The following BNC2 variants were observed in gnomAD, a reference collection of about 807,000 sequenced individuals.
BNC2 encodes the protein basonuclin zinc finger protein 2, also known as zinc finger protein basonuclin-2.
In BNC2, 20 loss-of-function variants were observed where a neutral mutation model predicts 76.3. That is an observed-to-expected ratio of 0.26 (90% CI 0.18 to 0.38). The LOEUF (loss-of-function observed/expected upper bound fraction) is 0.38. Ranked by LOEUF, BNC2 falls within the 10% of genes least tolerant of loss-of-function variation. The probability of loss-of-function intolerance (pLI) is 1.00; values close to 1 mark genes in which losing one functional copy is unlikely to be tolerated. For synonymous variants in BNC2, 582 were observed against 514.8 expected, an observed-to-expected ratio of 1.13 and a Z score of -1.77; for missense variants, 1,382 against 1,399.8, an observed-to-expected ratio of 0.99 and a Z score of 0.20.
chr9:16,833,527 C>A (rs1215604022), intron 1 of BNC2, among the ~76,000 whole-genome samples: 1 of 152,160 alleles, frequency 6.6e-6, no homozygotes, highest in Non-Finnish European at 1.5e-5. Context: ...GTTCCTTTAG[C>A]CTTACTTCAC....
intron 5 of BNC2, among the ~76,000 whole-genome samples, chr9:16,461,421 G>A (rs1420036522): frequency 6.6e-6 from 1 of 152,170 alleles, no homozygotes; most frequent in Non-Finnish European, 1.5e-5. Flanking sequence ...GATTTATGCT[G>A]TGATAAGAGG....
intron 5 of BNC2, among the ~76,000 whole-genome samples, chr9:16,452,810 T>C (rs1821370880): frequency 6.6e-6 from 1 of 152,234 alleles, no homozygotes; most frequent in South Asian, 2.1e-4. Flanking sequence ...AATTCTCTTC[T>C]GGTCTTCCCC....
At chr9:16,846,576 A>C (rs1318786658) in intron 1 of BNC2, among the ~76,000 whole-genome samples, 1 of 152,166 alleles carries the variant, frequency 6.6e-6, no homozygotes, top group Non-Finnish European at 1.5e-5. Context: ...GAAACTGAAG[A>C]CTGGTAGGGT....
intron 5 of BNC2, among the ~76,000 whole-genome samples, chr9:16,506,054 T>C (rs960700986): frequency 6.6e-6 from 1 of 152,166 alleles, no homozygotes; most frequent in Non-Finnish European, 1.5e-5. Context: ...GAAAAGCCAG[T>C]TGACGAAACT....
intron 2 of BNC2, among the ~76,000 whole-genome samples, chr9:16,729,259 T>C (rs1824439622): frequency 6.6e-6 from 1 of 152,204 alleles, no homozygotes; most frequent in Admixed American, 6.5e-5. Context: ...CTCATAAAAG[T>C]AGTCAGCAGG....
intron 3 of BNC2, among the ~76,000 whole-genome samples, chr9:16,681,871 C>CACAGTAACTAG (rs1822831314): frequency 6.6e-6 from 1 of 151,990 alleles, no homozygotes; most frequent in African/African-American, 2.4e-5. Flanking sequence ...TGAAAGACAC[C>CACAGTAACTAG]ACAGTAACTA....
intron 1 of BNC2, among the ~76,000 whole-genome samples, chr9:16,845,577 C>T (rs1427187690): frequency 2.6e-5 from 4 of 151,770 alleles, no homozygotes; most frequent in Non-Finnish European, 5.9e-5. Flanking sequence ...AAAAATTAGC[C>T]GGGTGTAGCG....
At chr9:16,695,384 A>C (rs1057070940) in intron 3 of BNC2, among the ~76,000 whole-genome samples, 2 of 152,066 alleles carry the variant, frequency 1.3e-5, no homozygotes, top group Admixed American at 6.6e-5. Context: ...CTGCAACCTT[A>C]AACTCCTAGA....
rs1820595222 is a variant in BNC2, at chr9:16,416,900, G to A, written c.*2089C>T. The A allele has an allele frequency of 6.6e-6, 1 of 152,506 alleles. No homozygotes were observed. Among genetic ancestry groups the A allele is most frequent in the African/African-American group, 2.4e-5 (1 of 41,416 alleles). 9.4% of individuals were successfully genotyped at this position (152,506 alleles called of 1,614,324 possible). A position where few individuals can be genotyped will look rare whatever the true frequency, so the allele number is the denominator to read the frequency against. The stretch of plus-strand genomic sequence containing the variant: ...TAATAACAACAGAAACATATTAACA[G>A]TTTCCTTTGGCAAATTTAACGGAAG... On this transcript the variant is annotated 3_prime_UTR_variant, in exon 7 of 7. Transcript: ENST00000380672.
chr9:16,638,754 C>T (rs1041729898), intron 3 of BNC2, among the ~76,000 whole-genome samples: 15 of 151,840 alleles, frequency 9.9e-5, no homozygotes, highest in Non-Finnish European at 1.8e-4. Context: ...AAATAGAGTA[C>T]GATAATACTA....
At chr9:16,869,947 G>T (rs940713816) in intron 1 of BNC2, among the ~76,000 whole-genome samples, 16 of 152,164 alleles carry the variant, frequency 1.1e-4, no homozygotes, top group African/African-American at 3.6e-4. Flanking sequence ...CAGTCAACGT[G>T]CAAGTAAAAC....
At chr9:16,499,186 A>C (rs1209289747) in intron 5 of BNC2, among the ~76,000 whole-genome samples, 1 of 144,758 alleles carries the variant, frequency 6.9e-6, no homozygotes, top group Non-Finnish European at 1.5e-5. Flanking sequence ...TAAGAATTAA[A>C]TCTCACTTAA....
intron 5 of BNC2, among the ~76,000 whole-genome samples, chr9:16,491,441 G>T (rs1174705230): frequency 6.6e-6 from 1 of 152,158 alleles, no homozygotes; most frequent in African/African-American, 2.4e-5. Context: ...AGGATCAGAG[G>T]TAAGGGTCAA....
At chr9:16,545,010 A>G (rs990600745) in intron 5 of BNC2, among the ~76,000 whole-genome samples, 1 of 152,176 alleles carries the variant, frequency 6.6e-6, no homozygotes, top group African/African-American at 2.4e-5. Context: ...TGGCTAACAG[A>G]GCTACCAAAA....
rs1396847050 is a variant in BNC2, at chr9:16,436,509, C to T, written c.1685G>A (p.Gly562Glu). ...AGGAACTGGTTGTACAGTCTTTAGC[C>T]CAGAAAATACTAGCTGGCTAGGGAG... ...NPLPSQLVFS[G>E]LKTVQPVPPF... The change falls in exon 6 of 7, where the codon GGG becomes GAG. Residue 562 changes from glycine to glutamate, a missense_variant. By Grantham distance (98) the Gly-to-Glu change is moderately conservative. Transcript: ENST00000380672. 6.2e-7 allele frequency: 1 copy of T among 1,613,984 alleles called. No homozygotes were observed. The highest frequency in any genetic ancestry group is 1.7e-5 in the Admixed American group (1 of 59,994).
intron 1 of BNC2, among the ~76,000 whole-genome samples, chr9:16,788,285 G>C (rs557016431): frequency 6.6e-6 from 1 of 152,100 alleles, no homozygotes; most frequent in Non-Finnish European, 1.5e-5. Context: ...CAGGCGCGGT[G>C]GCTCACGCCT....
chr9:16,713,668 T>C (rs10738451), intron 3 of BNC2, among the ~76,000 whole-genome samples: 68,691 of 151,812 alleles, frequency 0.45, 18,080 homozygotes, highest in East Asian at 0.85. Flanking sequence ...CTCCAGGGTA[T>C]TTAGAATGGA....
At position 16,480,743 on chromosome 9, in the gene BNC2, G is replaced by A. The variant is rs570944352; in HGVS notation, c.670-43219C>T. ...TCTCACCGGGCCCTAGCTGCCTTCC[G>A]GCGGGGCAGGGCTCGGGACCTGCAG... On this transcript the variant is annotated intron_variant, in intron 5 of 6. Coordinates refer to ENST00000380672, the MANE Select transcript of BNC2 (RefSeq NM_017637.6). 3.9e-3 allele frequency among the ~76,000 whole-genome samples: 590 copies of A among 152,344 alleles called. 1 individual carries two copies. Among genetic ancestry groups the A allele is most frequent in the Middle Eastern group, 0.014 (4 of 294 alleles).
intron 5 of BNC2, among the ~76,000 whole-genome samples, chr9:16,470,996 C>A (rs1277955238): frequency 3.9e-5 from 6 of 152,160 alleles, no homozygotes; most frequent in Non-Finnish European, 7.3e-5. Flanking sequence ...AAGACACAGA[C>A]ACTCAATGCC....
Sources: allele counts gnomAD v4.1 joint callset (sites outside exome capture counted in the v4.1 genomes callset), GRCh38; gene constraint gnomAD v4.1.1; transcripts MANE v1.5; gene names NCBI Gene and HGNC (gene_info 2026-07-23, HGNC 2026-07-21).